Variants in PPP2R2A observed in about 807,000 individuals in gnomAD.
PPP2R2A encodes the protein serine/threonine-protein phosphatase 2A 55 kDa regulatory subunit B alpha isoform.
Under a neutral mutation model 53.2 loss-of-function variants are expected in PPP2R2A, and 9 were observed. The ratio of observed to expected loss-of-function variants is 0.17; its 90% CI spans 0.10 to 0.30. The LOEUF (loss-of-function observed/expected upper bound fraction) is 0.30. Ranked by LOEUF, PPP2R2A falls within the 10% of genes least tolerant of loss-of-function variation. The probability of loss-of-function intolerance (pLI) is 1.00; values close to 1 mark genes in which losing one functional copy is unlikely to be tolerated. For missense variants in PPP2R2A, 235 were observed against 534.6 expected, an observed-to-expected ratio of 0.44 and a Z score of 5.53; for synonymous variants, 169 against 174.2, an observed-to-expected ratio of 0.97 and a Z score of 0.23.
At chr8:26,303,176 C>T (rs1367566355) in intron 2 of PPP2R2A, among the ~76,000 whole-genome samples, 1 of 152,106 alleles carries the variant, frequency 6.6e-6, no homozygotes, top group Non-Finnish European at 1.5e-5. Flanking sequence ...TTAGATCTGC[C>T]TTAAGCTCCT....
chr8:26,364,018 G>T (rs1191788871), intron 8 of PPP2R2A, 128 bp downstream of exon 8: 1 of 746,818 alleles, frequency 1.3e-6, no homozygotes, highest in East Asian at 2.8e-5. Flanking sequence ...TTCCCTCAGA[G>T]ATCTATGAGT....
rs1805591641 is a variant in PPP2R2A, at chr8:26,370,012, C to T, written c.1065-122C>T. ...AGTGATTGAGTTGATGTCAACAGCC[C>T]CTGTCCCTTAGTTTAAATCTGCTTT... On this transcript the variant is annotated intron_variant, in intron 9 of 9. Transcript: ENST00000380737. This position sits in a 1 kb window ranked among gnomAD's most constrained non-coding sequence, Gnocchi z 6.1. The T allele has an allele frequency of 3.1e-6, 3 of 958,054 alleles. No individual in the cohort carries two copies. The highest frequency in any genetic ancestry group is 3.3e-5 in the South Asian group (2 of 60,444). 59.3% of individuals were successfully genotyped at this position (958,054 alleles called of 1,614,324 possible).
rs1801300439 is a variant in PPP2R2A, at chr8:26,291,685, GCCCCCGT to G, written c.-130_-124del. 3 of 346,012 alleles carry G rather than the reference GCCCCCGT, an allele frequency of 8.7e-6. No homozygotes were observed. Among genetic ancestry groups the G allele is most frequent in the Non-Finnish European group, 1.1e-5 (2 of 176,338 alleles). 21.4% of individuals were successfully genotyped at this position (346,012 alleles called of 1,614,324 possible). ...CCGCCCCTCCTTCCTTTTCCCCCCG[GCCCCCGT>G]CCCCTCCCCCCGCAGGTGCCATCCG... On this transcript the variant is annotated 5_prime_UTR_variant, in exon 1 of 10. Coordinates refer to ENST00000380737, the MANE Select transcript of PPP2R2A (RefSeq NM_002717.4).
chr8:26,350,482 C>T (rs981008632), intron 3 of PPP2R2A: 2 of 152,252 alleles, frequency 1.3e-5, no homozygotes, highest in African/African-American at 4.8e-5. Flanking sequence ...TCACTGTAGC[C>T]TCAAACTTCT....
chr8:26,340,538 A>G (rs1373288356), intron 3 of PPP2R2A, among the ~76,000 whole-genome samples: 8 of 152,106 alleles, frequency 5.3e-5, no homozygotes, highest in Admixed American at 5.2e-4. Flanking sequence ...TAGGCTTAAC[A>G]TTCTGAGGGT....
intron 4 of PPP2R2A, among the ~76,000 whole-genome samples, chr8:26,355,492 G>A (rs80157801): frequency 0.064 from 9,681 of 152,124 alleles, 471 homozygotes; most frequent in East Asian, 0.25. Context: ...AGTCTGCCCC[G>A]CTCAGTCTCC....
Position 26,321,681 on chromosome 8 carries a change from C to G in PPP2R2A, c.83-17209C>G, listed in dbSNP as rs1029185963. On this transcript the variant is annotated intron_variant, in intron 2 of 9. Transcript: ENST00000380737. This position sits in a 1 kb window ranked among gnomAD's most constrained non-coding sequence, Gnocchi z 4.1. Reference sequence around the variant, plus strand: ...TGACACCTGTCAGCAGCCAGGCGCACGAGCTTGGAAGTAGATCTCCTCCTC... The same window carrying G: ...TGACACCTGTCAGCAGCCAGGCGCAGGAGCTTGGAAGTAGATCTCCTCCTC... Among the ~76,000 whole-genome samples, 1 of 152,180 alleles carries G rather than the reference C, an allele frequency of 6.6e-6. No homozygotes were observed. The highest frequency in any genetic ancestry group is 1.5e-5 in the Non-Finnish European group (1 of 68,032).
intron 2 of PPP2R2A, among the ~76,000 whole-genome samples, chr8:26,306,692 G>A (rs942696277): frequency 6.6e-6 from 1 of 151,904 alleles, no homozygotes; most frequent in Non-Finnish European, 1.5e-5. Context: ...ATCTAATAAA[G>A]GTTGGGCTTT....
Position 26,362,863 on chromosome 8 carries a change from T to C in PPP2R2A, c.802+15T>C. On this transcript the variant is annotated intron_variant, in intron 7 of 9. Transcript: ENST00000380737. This position sits in a 1 kb window ranked among gnomAD's most constrained non-coding sequence, Gnocchi z 4.4. ...ACATTCTAAATGTAAGTTTATTGTA[T>C]CTTTCCTTAAAATGATTACATATTC... 1.2e-6 allele frequency: 2 copies of C among 1,605,540 alleles called. No homozygotes were observed. Among genetic ancestry groups the C allele is most frequent in the Non-Finnish European group, 1.7e-6 (2 of 1,173,758 alleles).
rs1445692146 is a variant in PPP2R2A, at chr8:26,321,894, C to A, written c.83-16996C>A. On this transcript the variant is annotated intron_variant, in intron 2 of 9. Coordinates refer to ENST00000380737, the MANE Select transcript of PPP2R2A (RefSeq NM_002717.4). This position sits in a 1 kb window ranked among gnomAD's most constrained non-coding sequence, Gnocchi z 4.1. ...ATAGGAAGTAACAATGTCAACATTTCCCCTCCTCGGTCTAAGATTTGAACT... is the reference window on the plus strand; with the variant it reads ...ATAGGAAGTAACAATGTCAACATTTACCCTCCTCGGTCTAAGATTTGAACT... 6.6e-6 allele frequency among the ~76,000 whole-genome samples: 1 copy of A among 152,218 alleles called. No homozygotes were observed. The highest frequency in any genetic ancestry group is 1.5e-5 in the Non-Finnish European group (1 of 68,044).
intron 2 of PPP2R2A, among the ~76,000 whole-genome samples, chr8:26,331,717 C>G (rs887084583): frequency 2.0e-5 from 3 of 152,138 alleles, no homozygotes; most frequent in African/African-American, 7.2e-5. Context: ...TAGATACGTG[C>G]TCTTTACACA....
Position 26,362,826 on chromosome 8 carries a change from C to T in PPP2R2A, c.780C>T (p.Ala260=), listed in dbSNP as rs1287908445. The change falls in exon 7 of 10, where the codon GCC becomes GCT. Residue 260 remains alanine, a synonymous_variant. Coordinates refer to ENST00000380737, the MANE Select transcript of PPP2R2A (RefSeq NM_002717.4). This position sits in a 1 kb window ranked among gnomAD's most constrained non-coding sequence, Gnocchi z 4.4. ...TIRLCDMRAS[A]LCDRHSKLFE... ...GGCTATGTGACATGAGGGCATCTGC[C>T]CTCTGTGATAGACATTCTAAATGTA... 1 of 1,613,618 alleles carries T rather than the reference C, an allele frequency of 6.2e-7. No individual in the cohort carries two copies. The highest frequency in any genetic ancestry group is 8.5e-7 in the Non-Finnish European group (1 of 1,179,748).
chr8:26,295,737 T>C (rs78307145), intron 2 of PPP2R2A, among the ~76,000 whole-genome samples: 2,861 of 152,334 alleles, frequency 0.019, 87 homozygotes, highest in African/African-American at 0.066. Flanking sequence ...TATGACTAGT[T>C]CTAATAGGTA....
Position 26,362,993 on chromosome 8 carries a change from C to T in PPP2R2A, c.802+145C>T. ...CTTGTACCCTTGGTAATCTGCCTAC[C>T]TCCTCATGAGGCATTCCAGGTTATT... On this transcript the variant is annotated intron_variant, in intron 7 of 9. Transcript: ENST00000380737. This position sits in a 1 kb window ranked among gnomAD's most constrained non-coding sequence, Gnocchi z 4.4. 2.8e-6 allele frequency: 2 copies of T among 704,872 alleles called. No individual in the cohort carries two copies. Among genetic ancestry groups the T allele is most frequent in the Non-Finnish European group, 4.6e-6 (2 of 433,452 alleles). The allele number at this position is 704,872 out of a possible 1,614,324, so 43.7% of individuals were successfully genotyped here. A position where few individuals can be genotyped will look rare whatever the true frequency, so the allele number is the denominator to read the frequency against.
rs544229933 is a variant in PPP2R2A, at chr8:26,306,216, C to G, written c.82+12476C>G. Among the ~76,000 whole-genome samples, 3 of 151,146 alleles carry G rather than the reference C, an allele frequency of 2.0e-5. No homozygotes were observed. The South Asian group carries it at 6.3e-4, about 32-fold the overall frequency. ...CTAGACTGGACGTGGTGACTCACAT[C>G]TGTAATCCCAGCACTTTGGGAGGCC... On this transcript the variant is annotated intron_variant, in intron 2 of 9. Coordinates refer to ENST00000380737, the MANE Select transcript of PPP2R2A (RefSeq NM_002717.4).
chr8:26,302,746 A>G (rs1018263131), intron 2 of PPP2R2A, among the ~76,000 whole-genome samples: 3 of 152,208 alleles, frequency 2.0e-5, no homozygotes, highest in African/African-American at 7.2e-5. Flanking sequence ...CAATTAAGAG[A>G]ATCTTCATTC....
chr8:26,309,848 C>G (rs1056921648), intron 2 of PPP2R2A, among the ~76,000 whole-genome samples: 1 of 152,030 alleles, frequency 6.6e-6, no homozygotes, highest in Non-Finnish European at 1.5e-5. Flanking sequence ...TGCTTCATGG[C>G]ATTCCAAAAC....
chr8:26,366,993 T>C (rs1805410455), intron 9 of PPP2R2A, among the ~76,000 whole-genome samples: 2 of 152,228 alleles, frequency 1.3e-5, no homozygotes, highest in Admixed American at 6.5e-5. Context: ...TTTGAGTCTT[T>C]TAGTTGTCTA....
intron 2 of PPP2R2A, among the ~76,000 whole-genome samples, chr8:26,314,768 T>C (rs973506175): frequency 1.1e-4 from 17 of 152,128 alleles, no homozygotes; most frequent in Admixed American, 2.0e-4. Flanking sequence ...CTCGTACTCA[T>C]TGGACCCTTG....
Sources: allele counts gnomAD v4.1 joint callset (sites outside exome capture counted in the v4.1 genomes callset), GRCh38; gene constraint gnomAD v4.1.1; non-coding constraint Gnocchi (gnomAD v3.1); transcripts MANE v1.5; gene names NCBI Gene and HGNC (gene_info 2026-07-23, HGNC 2026-07-21).